The following C1QTNF7 variants were observed in gnomAD, a reference collection of about 807,000 sequenced individuals.
C1QTNF7 encodes the protein C1q and TNF related 7, also known as complement C1q tumor necrosis factor-related protein 7.
Under a neutral mutation model 19.6 loss-of-function variants are expected in C1QTNF7, and 15 were observed. The observed-to-expected ratio is 0.76, with a 90% CI of 0.51 to 1.18. The LOEUF (loss-of-function observed/expected upper bound fraction) is 1.18, where lower values mean the gene tolerates loss of function less well. C1QTNF7 is among the 50% of genes most tolerant of loss of function. The probability of loss-of-function intolerance (pLI) is 0.00; values close to 1 mark genes in which losing one functional copy is unlikely to be tolerated. For synonymous variants in C1QTNF7, 142 were observed against 137.5 expected, an observed-to-expected ratio of 1.03 and a Z score of -0.23; for missense variants, 324 against 359.7, an observed-to-expected ratio of 0.90 and a Z score of 0.80.
intron 1 of C1QTNF7, among the ~76,000 whole-genome samples, chr4:15,393,226 T>C (rs75461559): frequency 6.6e-6 from 1 of 152,206 alleles, no homozygotes; most frequent in African/African-American, 2.4e-5. Flanking sequence ...TCCCTAGCCA[T>C]GTGGAAATGT....
intron 1 of C1QTNF7, among the ~76,000 whole-genome samples, chr4:15,359,612 G>A (rs1717266844): frequency 6.6e-6 from 1 of 152,098 alleles, no homozygotes; most frequent in South Asian, 2.1e-4. Flanking sequence ...AACCCATGGA[G>A]GTTTTCTCCC....
At chr4:15,383,885 T>G (rs1718235981) in intron 1 of C1QTNF7, among the ~76,000 whole-genome samples, 1 of 152,216 alleles carries the variant, frequency 6.6e-6, no homozygotes, top group African/African-American at 2.4e-5. Flanking sequence ...TATTTCAGAA[T>G]GGACAAAAAT....
At chr4:15,355,816 G>C (rs1371445198) in intron 1 of C1QTNF7, among the ~76,000 whole-genome samples, 1 of 152,078 alleles carries the variant, frequency 6.6e-6, no homozygotes, top group African/African-American at 2.4e-5. Flanking sequence ...CCTTTGCCCA[G>C]TTCCAAGCCC....
chr4:15,385,166 C>G (rs751708487), intron 1 of C1QTNF7, among the ~76,000 whole-genome samples: 1 of 152,192 alleles, frequency 6.6e-6, no homozygotes, highest in Non-Finnish European at 1.5e-5. Context: ...CAGAACTAAG[C>G]GCTCACCAAG....
At chr4:15,397,339 C>T (rs191466030) in intron 1 of C1QTNF7, among the ~76,000 whole-genome samples, 2 of 152,326 alleles carry the variant, frequency 1.3e-5, no homozygotes, top group Admixed American at 6.5e-5. Context: ...TAAGACCTCT[C>T]GGAGACTGTT....
chr4:15,378,160 C>CTAA (rs1718010670), intron 1 of C1QTNF7, among the ~76,000 whole-genome samples: 4 of 152,170 alleles, frequency 2.6e-5, no homozygotes, highest in Non-Finnish European at 5.9e-5. Flanking sequence ...TGGTCAAGGA[C>CTAA]CACCTCATTA....
At chr4:15,403,146 A>G (rs1211685549) in intron 1 of C1QTNF7, among the ~76,000 whole-genome samples, 2 of 152,060 alleles carry the variant, frequency 1.3e-5, no homozygotes, top group Non-Finnish European at 2.9e-5. Context: ...CTTCCCCAAA[A>G]TACTATGCAA....
At chr4:15,431,048 TAGATGATA>T (rs1396341649) in intron 1 of C1QTNF7, among the ~76,000 whole-genome samples, 6 of 141,708 alleles carry the variant, frequency 4.2e-5, no homozygotes, top group Non-Finnish European at 6.0e-5. Context: ...TTAAGATAGA[TAGATGATA>T]GATAGATAGA....
At chr4:15,391,618 G>C (rs1357938799) in intron 1 of C1QTNF7, among the ~76,000 whole-genome samples, 1 of 152,132 alleles carries the variant, frequency 6.6e-6, no homozygotes, top group Non-Finnish European at 1.5e-5. Flanking sequence ...GCGAGTCCCA[G>C]TGCCCTATCT....
rs77194060 is a variant in C1QTNF7 at position 15,434,526 on chromosome 4, G to C, written c.-8-1210G>C. On this transcript the variant is annotated intron_variant, in intron 1 of 2. Coordinates refer to ENST00000444304, the MANE Select transcript of C1QTNF7 (RefSeq NM_031911.5). ...AGGTCAAGCACTATATAGATTTCTT[G>C]TTAAAGCATGGGTCCAACCATCCAA... is the stretch of plus-strand genomic sequence containing the variant. 6.1e-3 allele frequency among the ~76,000 whole-genome samples: 936 copies of C among 152,278 alleles called. 6 individuals carry two copies. The highest frequency in any genetic ancestry group is 1.0e-2 in the Non-Finnish European group (678 of 68,028).
chr4:15,367,693 G>A (rs925164818), intron 1 of C1QTNF7, among the ~76,000 whole-genome samples: 29 of 152,168 alleles, frequency 1.9e-4, no homozygotes, highest in African/African-American at 6.8e-4. Flanking sequence ...TGGTAGCCTT[G>A]AGATTTGGTT....
chr4:15,362,077 C>T (rs537748808), intron 1 of C1QTNF7, among the ~76,000 whole-genome samples: 4 of 152,280 alleles, frequency 2.6e-5, no homozygotes, highest in Admixed American at 1.3e-4. Flanking sequence ...ATTAAGCTCG[C>T]TATTCCCCAG....
rs769646896 is a variant in C1QTNF7, at chr4:15,442,770, G to T, written c.841G>T (p.Asp281Tyr). 1.2e-6 allele frequency: 2 copies of T among 1,611,798 alleles called. No individual in the cohort carries two copies. Among genetic ancestry groups the T allele is most frequent in the Non-Finnish European group, 1.7e-6 (2 of 1,179,060 alleles). ...FLLYVDTDYL[D>Y]SISEDDEL ...CTTATACGTTGACACAGATTACCTA[G>T]ATTCCATATCAGAAGATGATGAATT... Residue 281 changes from aspartate (D) to tyrosine (Y), a missense_variant, in exon 3 of 3, where the codon GAT (aspartate) becomes TAT (tyrosine). Asp to Tyr is a radical substitution (Grantham distance 160). Coordinates refer to ENST00000444304, the MANE Select transcript of C1QTNF7 (RefSeq NM_031911.5).
intron 1 of C1QTNF7, among the ~76,000 whole-genome samples, chr4:15,352,644 AG>A (rs779673220): frequency 1.3e-5 from 2 of 152,306 alleles, no homozygotes; most frequent in South Asian, 4.1e-4. Flanking sequence ...GGGCAAAACA[AG>A]GCATAACAGC....
At chr4:15,340,132 TA>T in exon 1 of C1QTNF7, 1 of 1,531,202 alleles carries the variant, frequency 6.5e-7, no homozygotes, top group Middle Eastern at 1.7e-4. Context: ...AATAGTTAAC[TA>T]CATTCATGGG....
intron 1 of C1QTNF7, among the ~76,000 whole-genome samples, chr4:15,372,281 T>C (rs897854370): frequency 1.3e-5 from 2 of 152,084 alleles, no homozygotes; most frequent in Admixed American, 6.6e-5. Context: ...AATGAGGTCA[T>C]AGGATGGGTC....
chr4:15,440,406 CTTTTTT>C (rs58931762), intron 2 of C1QTNF7, among the ~76,000 whole-genome samples: 4 of 136,644 alleles, frequency 2.9e-5, no homozygotes, highest in African/African-American at 1.1e-4. Flanking sequence ...ACAGAAGCAA[CTTTTTT>C]TTTTTTTTTT....
intron 1 of C1QTNF7, among the ~76,000 whole-genome samples, chr4:15,377,048 G>C (rs1405023821): frequency 6.6e-6 from 1 of 152,196 alleles, no homozygotes; most frequent in Admixed American, 6.5e-5. Context: ...CCCTCACTCT[G>C]TGCTTGGCAC....
At chr4:15,441,697 T>G (rs1349654006) in intron 2 of C1QTNF7, among the ~76,000 whole-genome samples, 2 of 152,236 alleles carry the variant, frequency 1.3e-5, no homozygotes, top group Non-Finnish European at 2.9e-5. Flanking sequence ...AATTTTCTAT[T>G]TTTGTTGTTA....
Sources: gnomAD v4.1 joint callset for allele counts (sites outside exome capture counted in the v4.1 genomes callset) on GRCh38, gnomAD v4.1.1 for gene constraint, MANE v1.5 for transcripts, NCBI Gene and HGNC (gene_info 2026-07-23, HGNC 2026-07-21) for gene names.